Variants in WFDC3 observed in about 807,000 individuals in gnomAD.
The protein encoded by WFDC3 is WAP four-disulfide core domain protein 3.
WFDC3 carries 15 observed loss-of-function variants against 25.8 expected under a neutral mutation model. That is an observed-to-expected ratio of 0.58 (90% confidence interval 0.39 to 0.89). The LOEUF is 0.89. Among genes scored for constraint, WFDC3 ranks in the 40% least tolerant of loss-of-function variants. WFDC3 has a pLI of 0.00. For synonymous variants in WFDC3, 103 were observed against 107.1 expected (o/e 0.96, Z 0.24); for missense variants, 264 against 289.8 (o/e 0.91, Z 0.65).
chr20:45,781,042 C>T (rs1213722206), intron 4 of WFDC3, among the ~76,000 whole-genome samples: 1 of 150,470 alleles, frequency 6.6e-6, no homozygotes, highest in Non-Finnish European at 1.5e-5. Context: ...GAGTTCAAAA[C>T]CAATCTGGCC....
rs1219178231 is a variant in WFDC3 at position 45,775,539 on chromosome 20, T to C, written c.557A>G (p.Glu186Gly). The change falls in exon 6 of 7, where the codon GAG (glutamate) becomes GGG (glycine). Residue 186 changes from glutamate to glycine, a missense_variant. Transcript: ENST00000243938. ...ACATTTTTCTCCAGCTTGACAATTC[T>C]CATCCATCACACAGCCAACAATGCA... ...GLCIVGCVMD[E>G]NCQAGEKCCK... The C allele has an allele frequency of 3.1e-6, 5 of 1,614,196 alleles. No homozygotes were observed. Among genetic ancestry groups the C allele is most frequent in the Admixed American group, 1.7e-5 (1 of 60,018 alleles).
At chr20:45,788,884 G>A (rs1462419466) in intron 3 of WFDC3, 47 bp downstream of exon 3, 2 of 1,568,292 alleles carry the variant, frequency 1.3e-6, no homozygotes, top group South Asian at 1.2e-5. Flanking sequence ...TATCCCAGAG[G>A]CAATGTCAGA....
At chr20:45,777,509 C>T (rs1407345231) in intron 4 of WFDC3, among the ~76,000 whole-genome samples, 1 of 151,656 alleles carries the variant, frequency 6.6e-6, no homozygotes, top group Non-Finnish European at 1.5e-5. Context: ...TGCCATCATG[C>T]CTGGCTTATT....
intron 1 of WFDC3, 38 bp from the exon 2 acceptor site, chr20:45,790,020 T>A (rs761503091): frequency 6.4e-7 from 1 of 1,555,050 alleles, no homozygotes; most frequent in African/African-American, 1.4e-5. Context: ...AGGCTAGAGG[T>A]GTACACCTTG....
intron 4 of WFDC3, among the ~76,000 whole-genome samples, chr20:45,782,084 C>A (rs1980470829): frequency 6.6e-6 from 1 of 152,132 alleles, no homozygotes; most frequent in South Asian, 2.1e-4. Context: ...AGGTTTCATA[C>A]AGTGGGGAGG....
At chr20:45,788,611 C>T (rs761073676) in intron 3 of WFDC3, 5 of 212,380 alleles carry the variant, frequency 2.4e-5, no homozygotes, top group Non-Finnish European at 3.7e-5. Flanking sequence ...AAAAGGTCTG[C>T]TTGGCTCTAG....
intron 5 of WFDC3, 83 bp downstream of exon 5, chr20:45,776,992 A>C: frequency 6.2e-7 from 1 of 1,603,352 alleles, no homozygotes; most frequent in Non-Finnish European, 8.5e-7. Context: ...AAGGATGAGA[A>C]TCCTAGCTCC....
At chr20:45,786,018 G>T (rs1035918386) in intron 4 of WFDC3, among the ~76,000 whole-genome samples, 2 of 152,026 alleles carry the variant, frequency 1.3e-5, no homozygotes, top group Admixed American at 6.6e-5. Flanking sequence ...AATGTCCATC[G>T]CACCCTTCAC....
At chr20:45,776,209 C>G (rs978759937) in intron 5 of WFDC3, among the ~76,000 whole-genome samples, 7 of 151,388 alleles carry the variant, frequency 4.6e-5, no homozygotes, top group Non-Finnish European at 1.0e-4. Context: ...CAGTGCCTGG[C>G]ACTCAAAAAT....
chr20:45,784,405 G>A (rs1980580652), intron 4 of WFDC3, among the ~76,000 whole-genome samples: 2 of 152,196 alleles, frequency 1.3e-5, no homozygotes, highest in Non-Finnish European at 2.9e-5. Flanking sequence ...AGTGATCAGG[G>A]AAGAAGAAAA....
Position 45,787,900 on chromosome 20 carries a change from T to A in WFDC3, c.294A>T (p.Val98=), listed in dbSNP as rs550273195. 9.4e-5 allele frequency: 152 copies of A among 1,614,168 alleles called. 3 individuals are homozygous for A. In the East Asian group the frequency reaches 2.9e-3, roughly 30 times the overall value. Residue 98 remains valine (V), a synonymous_variant, in exon 4 of 7, where the codon GTA becomes GTT. Transcript: ENST00000243938. ...RCITDETCPG[V]KKCCTLGCNK... ...TGCAGCCAAGCGTGCAGCATTTCTTTACACCTGGACATGTCTCATCAGTGA... is the reference window on the plus strand; with the variant it reads ...TGCAGCCAAGCGTGCAGCATTTCTTAACACCTGGACATGTCTCATCAGTGA...
At chr20:45,788,221 T>C (rs1980776819) in intron 3 of WFDC3, 1 of 308,412 alleles carries the variant, frequency 3.2e-6, no homozygotes, top group Non-Finnish European at 6.0e-6. Flanking sequence ...GGAGAATCAC[T>C]TGAACCCGGG....
intron 5 of WFDC3, among the ~76,000 whole-genome samples, chr20:45,776,696 G>C (rs1268009528): frequency 1.4e-5 from 2 of 146,634 alleles, no homozygotes; most frequent in Non-Finnish European, 3.0e-5. Flanking sequence ...TTTCATTTGG[G>C]GCAGGGGAGA....
In WFDC3 at chr20:45,774,266, CA is replaced by C. The variant is rs1980033175; in HGVS notation, c.*161del. ...AGCACCACACACCCACTACCCAATC[CA>C]GGGCTATTTCCCATGCTCTGGTCAG... On this transcript the variant is annotated 3_prime_UTR_variant, in exon 7 of 7. Coordinates refer to ENST00000243938, the MANE Select transcript of WFDC3 (RefSeq NM_080614.2). 4.3e-6 allele frequency: 4 copies of C among 939,416 alleles called. No homozygotes were observed. The highest frequency in any genetic ancestry group is 1.6e-5 in the African/African-American group (1 of 60,994). 58.2% of individuals were successfully genotyped at this position (939,416 alleles called of 1,614,324 possible). A position where few individuals can be genotyped will look rare whatever the true frequency, so the allele number is the denominator to read the frequency against.
chr20:45,787,318 T>G (rs1980726219), intron 4 of WFDC3, among the ~76,000 whole-genome samples: 1 of 120,300 alleles, frequency 8.3e-6, no homozygotes, highest in African/African-American at 3.3e-5. Flanking sequence ...TGAGACAGAG[T>G]CTCGCTCTGT....
At chr20:45,785,714 G>A (rs968029329) in intron 4 of WFDC3, among the ~76,000 whole-genome samples, 1 of 152,074 alleles carries the variant, frequency 6.6e-6, no homozygotes, top group Admixed American at 6.6e-5. Context: ...ATAGGAAGGG[G>A]TTAGACATAG....
At chr20:45,791,026 C>T in intron 1 of WFDC3, 3 of 459,614 alleles carry the variant, frequency 6.5e-6, no homozygotes, top group Non-Finnish European at 1.3e-5. Context: ...ACTGGCACTG[C>T]TTAGTCCTAT....
chr20:45,782,843 G>A (rs1980508599), intron 4 of WFDC3, among the ~76,000 whole-genome samples: 1 of 152,044 alleles, frequency 6.6e-6, no homozygotes, highest in Admixed American at 6.6e-5. Flanking sequence ...AACTGGACAA[G>A]GCCTCTCCTG....
At chr20:45,777,042 C>T (rs1010656700) in intron 5 of WFDC3, 33 bp downstream of exon 5, 4 of 1,611,308 alleles carry the variant, frequency 2.5e-6, no homozygotes, top group East Asian at 2.2e-5. Context: ...TCAGGAAACA[C>T]TCAAGGATTT....
Sources: gnomAD v4.1 joint callset for allele counts (sites outside exome capture counted in the v4.1 genomes callset) on GRCh38, gnomAD v4.1.1 for gene constraint, MANE v1.5 for transcripts, NCBI Gene and HGNC (gene_info 2026-07-23, HGNC 2026-07-21) for gene names.